ZFHX3: variants seen among roughly 807,000 people sequenced by gnomAD.
ZFHX3 encodes the protein zinc finger homeobox protein 3.
ZFHX3 carries 42 observed loss-of-function variants against 279.1 expected under a neutral mutation model. The ratio of observed to expected loss-of-function variants is 0.15; its 90% confidence interval spans 0.12 to 0.19. The LOEUF (loss-of-function observed/expected upper bound fraction) is 0.19. ZFHX3 is among the 10% of genes least tolerant of loss of function. The probability of loss-of-function intolerance (pLI) is 1.00; values close to 1 mark genes in which losing one functional copy is unlikely to be tolerated. For synonymous variants in ZFHX3, 2,293 were observed against 1,957.8 expected, an observed-to-expected ratio of 1.17 and a Z score of -4.52; for missense variants, 4,981 against 4,754.0, an observed-to-expected ratio of 1.05 and a Z score of -1.40.
At chr16:73,393,883 C>A (rs1424812051) in intron 3 of ZFHX3, among the ~76,000 whole-genome samples, 2 of 147,480 alleles carry the variant, frequency 1.4e-5, no homozygotes, top group Non-Finnish European at 3.0e-5. Context: ...ATATATATAT[C>A]TCATGTATAT....
At chr16:73,595,880 C>T (rs2052044180) in intron 2 of ZFHX3, among the ~76,000 whole-genome samples, 1 of 152,206 alleles carries the variant, frequency 6.6e-6, no homozygotes, top group East Asian at 1.9e-4. Flanking sequence ...ATCCCAAATC[C>T]CAGTAGATTA....
chr16:73,180,938 C>T (rs1240464094), intron 5 of ZFHX3, among the ~76,000 whole-genome samples: 3 of 152,214 alleles, frequency 2.0e-5, no homozygotes, highest in Non-Finnish European at 2.9e-5. Context: ...GCTGGGATTA[C>T]AGGCGTGAGC....
chr16:73,598,962 C>T (rs1167208464), intron 2 of ZFHX3, among the ~76,000 whole-genome samples: 6 of 152,000 alleles, frequency 3.9e-5, no homozygotes, highest in African/African-American at 1.4e-4. Context: ...GGGGTTTCAC[C>T]ATCGTGGCCA....
intron 1 of ZFHX3, among the ~76,000 whole-genome samples, chr16:73,717,567 C>G (rs1463732368): frequency 6.6e-6 from 1 of 152,134 alleles, no homozygotes; most frequent in Non-Finnish European, 1.5e-5. Context: ...TCAAACAAGC[C>G]TTTTGATATT....
intron 3 of ZFHX3, among the ~76,000 whole-genome samples, chr16:72,946,029 C>T (rs1037544841): frequency 3.3e-5 from 5 of 152,170 alleles, no homozygotes; most frequent in Non-Finnish European, 7.3e-5. Flanking sequence ...TTTTATAGCC[C>T]TGCTGGGAGT....
intron 2 of ZFHX3, among the ~76,000 whole-genome samples, chr16:73,500,570 G>A (rs2019218412): frequency 6.6e-6 from 1 of 151,102 alleles, no homozygotes; most frequent in South Asian, 2.1e-4. Context: ...CAAGTAATCA[G>A]CCTGCCTTGG....
At chr16:73,197,673 T>C (rs931710652) in intron 5 of ZFHX3, among the ~76,000 whole-genome samples, 13 of 152,166 alleles carry the variant, frequency 8.5e-5, no homozygotes, top group Admixed American at 2.6e-4. Context: ...TAATGTTACA[T>C]ACTATAGGCA....
chr16:73,293,238 C>G (rs878931107), intron 4 of ZFHX3, among the ~76,000 whole-genome samples: 1 of 152,084 alleles, frequency 6.6e-6, no homozygotes, highest in Admixed American at 6.6e-5. Context: ...TGGGCAATAC[C>G]AGAGTCACAG....
chr16:72,892,696 C>A (rs887505988), intron 3 of ZFHX3, among the ~76,000 whole-genome samples: 1 of 152,036 alleles, frequency 6.6e-6, no homozygotes, highest in East Asian at 1.9e-4. Flanking sequence ...TTAGTAGAGA[C>A]AGGGTTTCAC....
chr16:73,245,935 C>T (rs2013267905), intron 5 of ZFHX3, among the ~76,000 whole-genome samples: 1 of 152,076 alleles, frequency 6.6e-6, no homozygotes, highest in African/African-American at 2.4e-5. Flanking sequence ...TGGGCGTGGA[C>T]CATGATAGGC....
intron 2 of ZFHX3, among the ~76,000 whole-genome samples, chr16:73,619,391 G>C (rs1307747727): frequency 6.6e-6 from 1 of 151,700 alleles, no homozygotes. Flanking sequence ...GGGAGGCTGA[G>C]GCAGGAGAAT....
chr16:73,146,664 A>C (rs1326420754), intron 5 of ZFHX3, among the ~76,000 whole-genome samples: 1 of 151,648 alleles, frequency 6.6e-6, no homozygotes, highest in Non-Finnish European at 1.5e-5. Flanking sequence ...TTTTTAATTA[A>C]TTATTATTAT....
At chr16:73,760,894 C>A (rs150337505) in intron 1 of ZFHX3, among the ~76,000 whole-genome samples, 1 of 151,758 alleles carries the variant, frequency 6.6e-6, no homozygotes, top group African/African-American at 2.4e-5. Context: ...AAGCTGGAAG[C>A]ATTCCCCTTG....
chr16:73,555,722 C>T (rs1000933455), intron 2 of ZFHX3, among the ~76,000 whole-genome samples: 1 of 151,662 alleles, frequency 6.6e-6, no homozygotes, highest in East Asian at 2.0e-4. Flanking sequence ...ATCCCAGCTA[C>T]TGAGCAGGCT....
At chr16:73,027,312 G>A (rs1047256120) in intron 1 of ZFHX3, among the ~76,000 whole-genome samples, 6 of 152,106 alleles carry the variant, frequency 3.9e-5, no homozygotes, top group South Asian at 2.1e-4. Flanking sequence ...AAGACAAACC[G>A]TGATCATTCC....
intron 2 of ZFHX3, among the ~76,000 whole-genome samples, chr16:73,580,757 C>A (rs2143823333): frequency 6.6e-6 from 1 of 151,886 alleles, no homozygotes; most frequent in East Asian, 1.9e-4. Context: ...ATTTGAAGGT[C>A]ACTGGGCTTA....
At chr16:72,907,532 A>AGG (rs2039206887) in intron 3 of ZFHX3, among the ~76,000 whole-genome samples, 2 of 136,388 alleles carry the variant, frequency 1.5e-5, no homozygotes, top group Non-Finnish European at 3.1e-5. Context: ...CGGTTTCCAA[A>AGG]GGTTTCCTCT....
chr16:73,585,984 G>C (rs914353359), intron 2 of ZFHX3, among the ~76,000 whole-genome samples: 3 of 152,076 alleles, frequency 2.0e-5, no homozygotes, highest in African/African-American at 7.2e-5. Flanking sequence ...AATGTATATG[G>C]AAACACAAAT....
At chr16:73,034,167 G>A (rs779449992) in intron 1 of ZFHX3, among the ~76,000 whole-genome samples, 6 of 151,840 alleles carry the variant, frequency 4.0e-5, no homozygotes, top group Non-Finnish European at 8.8e-5. Context: ...CATGGACAAG[G>A]TTGTTTCTGA....
Sources: allele counts gnomAD v4.1 joint callset (sites outside exome capture counted in the v4.1 genomes callset), GRCh38; gene constraint gnomAD v4.1.1; transcripts MANE v1.5; gene names NCBI Gene and HGNC (gene_info 2026-07-23, HGNC 2026-07-21).